The following EPC1 variants were observed in gnomAD, a reference collection of about 807,000 sequenced individuals.
EPC1 encodes enhancer of polycomb homolog 1.
In EPC1, 12 loss-of-function variants were observed where a neutral mutation model predicts 98.4. The ratio of observed to expected loss-of-function variants is 0.12; its 90% CI spans 0.08 to 0.20. EPC1 has a LOEUF of 0.20. Ranked by LOEUF, EPC1 falls within the 10% of genes least tolerant of loss-of-function variation. EPC1 has a pLI of 1.00. For missense variants in EPC1, 729 were observed against 990.5 expected (o/e 0.74, Z 3.54); for synonymous variants, 357 against 363.9 (o/e 0.98, Z 0.21).
chr10:32,270,655 TC>T (rs2132630303), intron 13 of EPC1, among the ~76,000 whole-genome samples: 1 of 151,846 alleles, frequency 6.6e-6, no homozygotes, highest in Non-Finnish European at 1.5e-5. Context: ...TGAAACCCCG[TC>T]CCTGCTAAAA....
At chr10:32,357,625 A>C (rs990518560) in intron 1 of EPC1, among the ~76,000 whole-genome samples, 2 of 151,806 alleles carry the variant, frequency 1.3e-5, no homozygotes, top group African/African-American at 4.8e-5. Flanking sequence ...TGTCTGGATA[A>C]TTTTTTAATT....
chr10:32,350,180 CTT>C (rs905113727), upstream of EPC1, among the ~76,000 whole-genome samples: 139 of 152,280 alleles, frequency 9.1e-4, 1 homozygote, highest in African/African-American at 3.1e-3. Flanking sequence ...GAGGGAAACT[CTT>C]GTTTGGGAAA....
At chr10:32,269,194 C>T in intron 13 of EPC1, 59 bp from the exon 14 acceptor site, 1 of 1,420,690 alleles carries the variant, frequency 7.0e-7, no homozygotes, top group Non-Finnish European at 9.8e-7. Context: ...AGCAAATGAA[C>T]ATTATCTTCC....
chr10:32,378,564 TAG>T, exon 1 of EPC1: 1 of 1,181,156 alleles, frequency 8.5e-7, no homozygotes, highest in Non-Finnish European at 1.2e-6. Context: ...CTTGTGTCCC[TAG>T]AAACAACAGC....
In EPC1 at chr10:32,267,983, T is replaced by G. The variant is rs1205058607; in HGVS notation, c.*1080A>C. ...ATTTGTGGTTCTGGCCTTGCAGCCT[T>G]CTGGAGAATCTTAAAAGGAAAAAAG... On this transcript the variant is annotated 3_prime_UTR_variant, in exon 14 of 14. Coordinates refer to ENST00000319778, the MANE Select transcript of EPC1 (RefSeq NM_001272004.3). 1 of 152,226 alleles carries G rather than the reference T, an allele frequency of 6.6e-6. No individual in the cohort carries two copies. The highest frequency in any genetic ancestry group is 2.4e-5 in the African/African-American group (1 of 41,452). 9.4% of individuals were successfully genotyped at this position (152,226 alleles called of 1,614,324 possible). A position where few individuals can be genotyped will look rare whatever the true frequency, so the allele number is the denominator to read the frequency against.
intron 1 of EPC1, among the ~76,000 whole-genome samples, chr10:32,314,284 T>C (rs1836426829): frequency 6.6e-6 from 1 of 152,190 alleles, no homozygotes; most frequent in South Asian, 2.1e-4. Flanking sequence ...CATAGCAATA[T>C]GAACAATAAA....
intron 1 of EPC1, among the ~76,000 whole-genome samples, chr10:32,365,988 C>G (rs1205614562): frequency 6.6e-6 from 1 of 150,730 alleles, no homozygotes; most frequent in Non-Finnish European, 1.5e-5. Context: ...ACACAATTAA[C>G]ATGGCATGGT....
At chr10:32,362,611 T>G (rs987050845) in intron 1 of EPC1, among the ~76,000 whole-genome samples, 12 of 152,136 alleles carry the variant, frequency 7.9e-5, no homozygotes, top group Admixed American at 2.6e-4. Context: ...ATGAGCCAAT[T>G]AAATCTCTTT....
intron 1 of EPC1, among the ~76,000 whole-genome samples, chr10:32,308,756 A>G (rs912241387): frequency 6.6e-5 from 10 of 152,238 alleles, no homozygotes; most frequent in African/African-American, 2.4e-4. Flanking sequence ...TAAAACTACC[A>G]TACGATTCAG....
rs1835665620 is a variant in EPC1 at position 32,267,960 on chromosome 10, T to C, written c.*1103A>G. Reference sequence around the variant, plus strand: ...ATTTCCAAAGGAAGGCACCCGATATTTGTGGTTCTGGCCTTGCAGCCTTCT... The same window carrying C: ...ATTTCCAAAGGAAGGCACCCGATATCTGTGGTTCTGGCCTTGCAGCCTTCT... On this transcript the variant is annotated 3_prime_UTR_variant, in exon 14 of 14. Transcript: ENST00000319778. The C allele has an allele frequency of 6.6e-6, 1 of 152,196 alleles. No homozygotes were observed. Among genetic ancestry groups the C allele is most frequent in the Admixed American group, 6.5e-5 (1 of 15,286 alleles). 9.4% of individuals were successfully genotyped at this position (152,196 alleles called of 1,614,324 possible). A position where few individuals can be genotyped will look rare whatever the true frequency, so the allele number is the denominator to read the frequency against.
At chr10:32,348,516 C>T (rs748154561), upstream of EPC1, among the ~76,000 whole-genome samples, 1 of 152,198 alleles carries the variant, frequency 6.6e-6, no homozygotes, top group Non-Finnish European at 1.5e-5. Flanking sequence ...AACTGCTAGC[C>T]TCCAGGCTGG....
chr10:32,313,362 A>G (rs1836360067), intron 1 of EPC1, among the ~76,000 whole-genome samples: 2 of 152,194 alleles, frequency 1.3e-5, no homozygotes, highest in African/African-American at 4.8e-5. Context: ...AATGGCAAAT[A>G]AGAGAGACAT....
intron 1 of EPC1, among the ~76,000 whole-genome samples, chr10:32,366,890 C>A (rs939456593): frequency 6.6e-6 from 1 of 152,162 alleles, no homozygotes; most frequent in Non-Finnish European, 1.5e-5. Context: ...GTAGCCTTTG[C>A]CATGGCAAAT....
At chr10:32,317,617 G>C (rs985652967) in intron 1 of EPC1, among the ~76,000 whole-genome samples, 1 of 152,114 alleles carries the variant, frequency 6.6e-6, no homozygotes, top group Non-Finnish European at 1.5e-5. Context: ...ACTCCAGCCT[G>C]GGTGACAGAG....
chr10:32,352,846 C>T (rs919490323), intron 1 of EPC1, among the ~76,000 whole-genome samples: 6 of 152,092 alleles, frequency 3.9e-5, no homozygotes, highest in Admixed American at 3.9e-4. Context: ...TGATAAGAGG[C>T]AGTGCTTAGT....
At position 32,291,276 on chromosome 10, in the gene EPC1, C is replaced by A. The variant is rs370640179; in HGVS notation, c.862G>T (p.Ala288Ser). The change falls in exon 6 of 14, where the codon GCA becomes TCA. Residue 288 changes from alanine (A) to serine (S), a missense_variant. By Grantham distance (99) the Ala-to-Ser change is moderately conservative. This residue lies in a region of EPC1 where 390 missense variants were observed against 438.6 expected (regional missense o/e 0.89). Coordinates refer to ENST00000319778, the MANE Select transcript of EPC1 (RefSeq NM_001272004.3). ...GTAGGTTTCATTGGCTGTCTCTGTG[C>A]CATAACCTCAGACATGATCTCTCCA... The part of the protein sequence containing the change: ...YNGEIMSEVM[A>S]QRQPMKPTYA... The A allele has an allele frequency of 1.9e-6, 3 of 1,613,742 alleles. No individual in the cohort carries two copies. In the African/African-American group the frequency reaches 4.0e-5, roughly 22 times the overall value.
At chr10:32,364,002 ATTTTTTT>A (rs35887256) in intron 1 of EPC1, among the ~76,000 whole-genome samples, 2 of 69,274 alleles carry the variant, frequency 2.9e-5, no homozygotes, top group African/African-American at 1.3e-4. Flanking sequence ...TCATGTTGGC[ATTTTTTT>A]TTTTTTTTTT....
chr10:32,307,660 C>T (rs1255989805), intron 1 of EPC1, among the ~76,000 whole-genome samples: 2 of 152,166 alleles, frequency 1.3e-5, no homozygotes, highest in East Asian at 1.9e-4. Flanking sequence ...CACTAAACAG[C>T]AAGTTCTATC....
rs200112784 is a variant in EPC1 at position 32,301,958 on chromosome 10, GAA to G, written c.313+3812_313+3813del. 6.8e-3 allele frequency among the ~76,000 whole-genome samples: 1,027 copies of G among 152,106 alleles called. 15 individuals carry two copies. The highest frequency in any genetic ancestry group is 0.022 in the African/African-American group (904 of 41,496). On this transcript the variant is annotated intron_variant, in intron 2 of 13. Transcript: ENST00000319778. ...TGAAAGTCTATTAAAAAAAAAAGAT[GAA>G]AAGACATTAAGAAATGGTAGAAAAA... is the stretch of plus-strand genomic sequence containing the variant.
Sources: gnomAD v4.1 joint callset for allele counts (sites outside exome capture counted in the v4.1 genomes callset) on GRCh38, gnomAD v4.1.1 for gene constraint, gnomAD v4.1.1 regional missense constraint, MANE v1.5 for transcripts, NCBI Gene and HGNC (gene_info 2026-07-23, HGNC 2026-07-21) for gene names.